The following TXNRD1 variants were observed in gnomAD, a reference collection of about 807,000 sequenced individuals.
TXNRD1 encodes the protein thioredoxin reductase 1, also known as thioredoxin reductase 1, cytoplasmic.
A neutral mutation model predicts 80.3 loss-of-function variants in TXNRD1; 57 were observed. The ratio of observed to expected loss-of-function variants is 0.71; its 90% CI spans 0.57 to 0.89. The LOEUF is 0.89. Among genes scored for constraint, TXNRD1 ranks in the 40% least tolerant of loss-of-function variants. The pLI, the probability that TXNRD1 is intolerant of heterozygous loss-of-function variation, is 0.00. For synonymous variants in TXNRD1, 291 were observed against 285.2 expected, an observed-to-expected ratio of 1.02 and a Z score of -0.20; for missense variants, 730 against 803.0, an observed-to-expected ratio of 0.91 and a Z score of 1.10.
chr12:104,303,783 C>A (rs61937909), intron 4 of TXNRD1: 37,915 of 1,274,090 alleles, frequency 0.03, 641 homozygotes, highest in Non-Finnish European at 0.033. Context: ...TTTCCACACG[C>A]TGGGAGGGCC....
intron 3 of TXNRD1, among the ~76,000 whole-genome samples, chr12:104,283,220 CCTTCT>C (rs1593747971): frequency 6.6e-6 from 1 of 152,122 alleles, no homozygotes; most frequent in East Asian, 1.9e-4. Context: ...ACAATCATTT[CCTTCT>C]CTTCTCTTCA....
intron 2 of TXNRD1, among the ~76,000 whole-genome samples, 188 bp downstream of exon 2, chr12:104,251,866 C>A (rs2033125266): frequency 6.6e-6 from 1 of 152,076 alleles, no homozygotes; most frequent in Non-Finnish European, 1.5e-5. Flanking sequence ...GAGATCAAGA[C>A]CATCCTGGCC....
rs775369594 is a variant in TXNRD1, at chr12:104,348,347, C to T, written c.1882-6C>T. On this transcript the variant is annotated splice_polypyrimidine_tract_variant and splice_region_variant and intron_variant, in intron 16 of 16. Coordinates refer to ENST00000525566, the MANE Select transcript of TXNRD1 (RefSeq NM_001093771.3). ...TGAAGATGTTGTGCTTTCTCTTCCC[C>T]TGCAGGTATTCACAACATTGTCTGT... The T allele has an allele frequency of 4.2e-5, 68 of 1,613,778 alleles. No individual in the cohort carries two copies. Among genetic ancestry groups the T allele is most frequent in the Middle Eastern group, 1.6e-4 (1 of 6,084 alleles).
chr12:104,314,468 A>C (rs2035244549), intron 6 of TXNRD1, among the ~76,000 whole-genome samples: 1 of 152,052 alleles, frequency 6.6e-6, no homozygotes, highest in South Asian at 2.1e-4. Flanking sequence ...TGACCTGTGG[A>C]GCATATACTC....
intron 1 of TXNRD1, chr12:104,224,999 T>G (rs1405684849): frequency 2.4e-6 from 1 of 420,326 alleles, no homozygotes; most frequent in East Asian, 7.1e-5. Context: ...GTAATACAGT[T>G]TTTTTGAAAG....
At chr12:104,297,252 C>T (rs1421698462) in intron 4 of TXNRD1, among the ~76,000 whole-genome samples, 5 of 144,450 alleles carry the variant, frequency 3.5e-5, no homozygotes, top group Admixed American at 7.1e-5. Context: ...TTGCGGTGAG[C>T]GGAGATCCTG....
chr12:104,269,399 C>CTTTTTTTTTTT (rs71069741), intron 3 of TXNRD1, among the ~76,000 whole-genome samples: 1 of 120,452 alleles, frequency 8.3e-6, no homozygotes, highest in Non-Finnish European at 1.7e-5. Flanking sequence ...GTGTTTCTTT[C>CTTTTTTTTTTT]TTTTTTTTTT....
intron 4 of TXNRD1, chr12:104,291,217 T>A: frequency 2.3e-6 from 1 of 431,472 alleles, no homozygotes; most frequent in Non-Finnish European, 4.1e-6. Flanking sequence ...TTTTTTTTTT[T>A]TGAGACAAAG....
intron 1 of TXNRD1, among the ~76,000 whole-genome samples, chr12:104,236,869 G>GGATCTTGTTTTTCTGGAAAAAGGCTCT (rs1448248818): frequency 1.6e-4 from 24 of 149,616 alleles, no homozygotes; most frequent in Admixed American, 2.7e-4. Context: ...TTCTCTTCTT[G>GGATCTTGTTTTTCTGGAAAAAGGCTCT]GATCTTGTTT....
At chr12:104,337,301 C>T (rs755572106) in intron 15 of TXNRD1, among the ~76,000 whole-genome samples, 5 of 151,956 alleles carry the variant, frequency 3.3e-5, no homozygotes, top group Non-Finnish European at 5.9e-5. Context: ...ACAGAACAAC[C>T]TCCTGATTGT....
intron 4 of TXNRD1, chr12:104,309,772 A>G: frequency 6.5e-7 from 1 of 1,530,940 alleles, no homozygotes. Context: ...TTTGTATTGA[A>G]GGAGGAACCT....
intron 10 of TXNRD1, among the ~76,000 whole-genome samples, chr12:104,321,671 A>G (rs2035535523): frequency 6.6e-6 from 1 of 152,122 alleles, no homozygotes; most frequent in South Asian, 2.1e-4. Context: ...ACTAGGCCCC[A>G]CCTGCACTCC....
At chr12:104,313,052 A>T (rs186077610) in intron 5 of TXNRD1, among the ~76,000 whole-genome samples, 193 bp from the exon 6 acceptor site, 30 of 152,326 alleles carry the variant, frequency 2.0e-4, no homozygotes, top group Admixed American at 1.6e-3. Flanking sequence ...ATCTACTCTC[A>T]GAACTATCTG....
intron 1 of TXNRD1, 103 bp downstream of exon 1, chr12:104,215,996 C>T: frequency 1.0e-6 from 1 of 998,390 alleles, no homozygotes; most frequent in South Asian, 1.6e-5. Flanking sequence ...CCTTGAAGCC[C>T]CTCACTGGAG....
rs74722368 is a variant in TXNRD1 at position 104,304,709 on chromosome 12, A to G, written c.415-6581A>G. The G allele has an allele frequency of 2.3e-3, 3,636 of 1,613,692 alleles. 44 individuals are homozygous for G. The highest frequency in any genetic ancestry group is 0.021 in the African/African-American group (1,568 of 74,976). On this transcript the variant is annotated intron_variant, in intron 4 of 16. Transcript: ENST00000525566. Reference sequence around the variant, plus strand: ...CTCTTTTTCTCGTACTGTGGAGAATATATTTTATGTTTCTTTTATTGTAAG... The same window carrying G: ...CTCTTTTTCTCGTACTGTGGAGAATGTATTTTATGTTTCTTTTATTGTAAG...
intron 1 of TXNRD1, among the ~76,000 whole-genome samples, chr12:104,232,646 C>G (rs2032651014): frequency 6.6e-6 from 1 of 152,040 alleles, no homozygotes; most frequent in South Asian, 2.1e-4. Flanking sequence ...CCAGTGCTCC[C>G]CAAGGGCTTT....
intron 1 of TXNRD1, chr12:104,225,035 T>A: frequency 2.7e-6 from 1 of 368,384 alleles, no homozygotes. Flanking sequence ...AGTAGTCTTG[T>A]TAATTAGATA....
chr12:104,258,298 T>A, intron 3 of TXNRD1: 1 of 422,416 alleles, frequency 2.4e-6, no homozygotes, highest in South Asian at 5.0e-5. Context: ...TTACCCAGAG[T>A]TTCCTCTTAT....
chr12:104,273,906 C>G (rs2033705011), intron 3 of TXNRD1, among the ~76,000 whole-genome samples: 2 of 152,020 alleles, frequency 1.3e-5, no homozygotes, highest in African/African-American at 4.8e-5. Flanking sequence ...AAAATGTAGC[C>G]AGGCGTGGTG....
Sources: allele counts gnomAD v4.1 joint callset (sites outside exome capture counted in the v4.1 genomes callset), GRCh38; gene constraint gnomAD v4.1.1; transcripts MANE v1.5; gene names NCBI Gene and HGNC (gene_info 2026-07-23, HGNC 2026-07-21).